ARHGAP39: variants seen among roughly 807,000 people sequenced by gnomAD.
The protein encoded by ARHGAP39 is Rho GTPase activating protein 39, also known as rho GTPase-activating protein 39.
Under a neutral mutation model 106.9 loss-of-function variants are expected in ARHGAP39, and 44 were observed. That is an observed-to-expected ratio of 0.41 (90% CI 0.32 to 0.53). The LOEUF (loss-of-function observed/expected upper bound fraction) is 0.53, where lower values mean the gene tolerates loss of function less well. ARHGAP39 is among the 20% of genes least tolerant of loss of function. ARHGAP39 has a pLI of 0.21. For missense variants in ARHGAP39, 1,496 were observed against 1,577.3 expected (o/e 0.95, Z 0.87); for synonymous variants, 768 against 693.2 (o/e 1.11, Z -1.69).
At chr8:144,620,448 C>G (rs1041541373) in intron 1 of ARHGAP39, among the ~76,000 whole-genome samples, 63 of 123,374 alleles carry the variant, frequency 5.1e-4, no homozygotes, top group Non-Finnish European at 6.6e-4. Context: ...TGTCTGTTAG[C>G]CTGTGTGTCC....
At chr8:144,549,394 C>G (rs2130848439) in intron 4 of ARHGAP39, among the ~76,000 whole-genome samples, 1 of 152,360 alleles carries the variant, frequency 6.6e-6, no homozygotes, top group East Asian at 1.9e-4. Flanking sequence ...ACATCCGCGG[C>G]CTGACGTCTT....
intron 3 of ARHGAP39, among the ~76,000 whole-genome samples, chr8:144,579,756 C>T (rs1322665735): frequency 3.1e-4 from 47 of 152,164 alleles, no homozygotes; most frequent in Non-Finnish European, 1.6e-4. Flanking sequence ...CAACACGCTC[C>T]TTCCCACCTC....
chr8:144,529,493 C>G lies in ARHGAP39; in HGVS notation c.*929G>C, dbSNP rs1047603116. 1.3e-5 allele frequency: 2 copies of G among 152,090 alleles called. No individual in the cohort carries two copies. Among genetic ancestry groups the G allele is most frequent in the African/African-American group, 4.8e-5 (2 of 41,382 alleles). 9.4% of individuals were successfully genotyped at this position (152,090 alleles called of 1,614,324 possible). A position where few individuals can be genotyped will look rare whatever the true frequency, so the allele number is the denominator to read the frequency against. ...GACAGTCCCGGGCCCGGCGCCTTCC[C>G]GCTCGCTCGTCTCCTGCAGGTCTGG... On this transcript the variant is annotated 3_prime_UTR_variant, in exon 12 of 12. Coordinates refer to ENST00000377307, the MANE Select transcript of ARHGAP39 (RefSeq NM_025251.3).
rs1374879925 is a variant in ARHGAP39 at position 144,547,819 on chromosome 8, C to T, written c.1267G>A (p.Gly423Ser). ...GGCTGCAAGGAGTACGAACCACCGCCGGGGTTGGGCGCGTACTTGTGCCGC... is the reference window on the plus strand; with the variant it reads ...GGCTGCAAGGAGTACGAACCACCGCTGGGGTTGGGCGCGTACTTGTGCCGC... ...GPRHKYAPNP[G>S]GGSYSLQPSP... Residue 423 changes from glycine to serine, a missense_variant, in exon 5 of 12, where the codon GGC (glycine) becomes AGC (serine). By Grantham distance (56) the Gly-to-Ser change is moderately conservative (BLOSUM62 0). Transcript: ENST00000377307. The surrounding 1 kb of genome is among the most constrained non-coding windows in gnomAD (Gnocchi z 5.2). 1.9e-6 allele frequency: 3 copies of T among 1,590,552 alleles called. No individual in the cohort carries two copies. Among genetic ancestry groups the T allele is most frequent in the Non-Finnish European group, 2.6e-6 (3 of 1,171,010 alleles).
At chr8:144,601,551 C>A (rs1181814515) in intron 2 of ARHGAP39, among the ~76,000 whole-genome samples, 16 of 112,222 alleles carry the variant, frequency 1.4e-4, no homozygotes, top group Non-Finnish European at 2.3e-4. Flanking sequence ...TGGAGGCGTG[C>A]GTGCGAGCTC....
intron 2 of ARHGAP39, among the ~76,000 whole-genome samples, chr8:144,598,258 T>C (rs1039574937): frequency 6.6e-6 from 1 of 152,202 alleles, no homozygotes; most frequent in Non-Finnish European, 1.5e-5. Flanking sequence ...GCCGTGGGCC[T>C]TTCCACGTTG....
chr8:144,648,197 T>G (rs1238353208), intron 1 of ARHGAP39, among the ~76,000 whole-genome samples: 1 of 152,174 alleles, frequency 6.6e-6, no homozygotes, highest in African/African-American at 2.4e-5. Flanking sequence ...CCAGCTGCTC[T>G]GATTTCCCCA....
chr8:144,650,646 G>C (rs1396230363), intron 1 of ARHGAP39, among the ~76,000 whole-genome samples: 1 of 152,080 alleles, frequency 6.6e-6, no homozygotes, highest in African/African-American at 2.4e-5. Flanking sequence ...TAGGACTAAA[G>C]ACAAAAACCA....
intron 3 of ARHGAP39, among the ~76,000 whole-genome samples, chr8:144,573,594 T>TTAAAGTAAAATAAAGTAAAATAAAG (rs1818662138): frequency 6.6e-6 from 1 of 152,106 alleles, no homozygotes; most frequent in African/African-American, 2.4e-5. Flanking sequence ...ACCCTAGAAC[T>TTAAAGTAAAATAAAGTAAAATAAAG]TAAAGTAAAA....
intron 1 of ARHGAP39, among the ~76,000 whole-genome samples, chr8:144,681,548 G>A (rs1217744852): frequency 1.3e-5 from 2 of 152,208 alleles, no homozygotes; most frequent in African/African-American, 4.8e-5. Flanking sequence ...CGTATTTCAT[G>A]GACTTTTTTT....
At chr8:144,581,310 C>T (rs1395346478) in intron 2 of ARHGAP39, 33 bp from the exon 3 acceptor site, 1 of 1,510,884 alleles carries the variant, frequency 6.6e-7, no homozygotes, top group Non-Finnish European at 8.9e-7. Flanking sequence ...CGGCTGGAGC[C>T]ACGGCGGCCT....
intron 1 of ARHGAP39, among the ~76,000 whole-genome samples, chr8:144,642,397 G>C: frequency 6.6e-6 from 1 of 152,078 alleles, no homozygotes; most frequent in East Asian, 1.9e-4. Flanking sequence ...TGAGGCAGGA[G>C]AATTGCTTGA....
rs576318409 is a variant in ARHGAP39 at position 144,656,314 on chromosome 8, G to A, written c.-82+29372C>T. ...TCAAAACCACCCTGCTCAACATAGC[G>A]AGACCCCATCTCTACAAAATTTAAA... On this transcript the variant is annotated intron_variant, in intron 1 of 11. Coordinates refer to ENST00000377307, the MANE Select transcript of ARHGAP39 (RefSeq NM_025251.3). Among the ~76,000 whole-genome samples the A allele has an allele frequency of 1.1e-4, 16 of 151,778 alleles. No individual in the cohort carries two copies. In the East Asian group the frequency reaches 1.2e-3, roughly 11 times the overall value.
In ARHGAP39 at chr8:144,581,046, G is replaced by A; in HGVS notation, c.312C>T (p.Ala104=). ...TGTTCTGCTTCAGCGTCTGCAGCTT[G>A]GCCAGCGGGATGATGTCGCAGCCCT... ...RPQGCDIIPL[A]KLQTLKQNTE... The change falls in exon 3 of 12, where the codon GCC becomes GCT. Residue 104 remains alanine (A), a synonymous_variant. Transcript: ENST00000377307. The A allele has an allele frequency of 6.3e-7, 1 of 1,583,922 alleles. No homozygotes were observed. Among genetic ancestry groups the A allele is most frequent in the South Asian group, 1.1e-5 (1 of 87,422 alleles).
rs990238762 is a variant in ARHGAP39, at chr8:144,604,151, C to T, written c.80+1384G>A. Among the ~76,000 whole-genome samples, 19 of 152,168 alleles carry T rather than the reference C, an allele frequency of 1.2e-4. No homozygotes were observed. Among genetic ancestry groups the T allele is most frequent in the African/African-American group, 4.3e-4 (18 of 41,416 alleles). ...ACCAACCACACAGGGAGGCACAAAGCATCAGACACGGAGCCGGGCCCAGAG... is the reference window on the plus strand; with the variant it reads ...ACCAACCACACAGGGAGGCACAAAGTATCAGACACGGAGCCGGGCCCAGAG... On this transcript the variant is annotated intron_variant, in intron 2 of 11. Coordinates refer to ENST00000377307, the MANE Select transcript of ARHGAP39 (RefSeq NM_025251.3). The surrounding 1 kb of genome is among the most constrained non-coding windows in gnomAD (Gnocchi z 4.1).
intron 1 of ARHGAP39, among the ~76,000 whole-genome samples, chr8:144,627,554 C>CAA (rs386414277): frequency 0.46 from 47,751 of 103,662 alleles, 11,976 homozygotes; most frequent in Middle Eastern, 0.51. Context: ...GACTCCATCT[C>CAA]AAAAAAAAAA....
rs1394025800 is a variant in ARHGAP39, at chr8:144,529,182, G to A, written c.*1240C>T. ...CCACAAGGAACGGGAGGACGCGCAG[G>A]GTCCATGTGCACTTTATTCACTCGT... is the stretch of plus-strand genomic sequence containing the variant. On this transcript the variant is annotated 3_prime_UTR_variant, in exon 12 of 12. Coordinates refer to ENST00000377307, the MANE Select transcript of ARHGAP39 (RefSeq NM_025251.3). 5.1e-6 allele frequency: 2 copies of A among 394,580 alleles called. No individual in the cohort carries two copies. The highest frequency in any genetic ancestry group is 6.6e-4 in the Middle Eastern group (1 of 1,504). 24.4% of individuals were successfully genotyped at this position (394,580 alleles called of 1,614,324 possible).
intron 9 of ARHGAP39, 126 bp from the exon 10 acceptor site, chr8:144,532,522 G>A (rs1291488202): frequency 1.3e-5 from 10 of 793,220 alleles, no homozygotes; most frequent in East Asian, 2.7e-5. Flanking sequence ...AGGACCCCCC[G>A]CCACCCCGGT....
At position 144,547,442 on chromosome 8, in the gene ARHGAP39, G is replaced by C. The variant is rs1341917763; in HGVS notation, c.1644C>G (p.Gly548=). ...CCTGCGCCAGGAAGGGCTCGGCCGC[G>C]CCCCGCGCCCCTTCGGCCTCACCTT... ...RAEGEAEGAR[G]AAEPFLAQAR... Residue 548 remains glycine (G), a synonymous_variant, in exon 5 of 12, where the codon GGC becomes GGG. Coordinates refer to ENST00000377307, the MANE Select transcript of ARHGAP39 (RefSeq NM_025251.3). This position sits in a 1 kb window ranked among gnomAD's most constrained non-coding sequence, Gnocchi z 5.2. 6.4e-7 allele frequency: 1 copy of C among 1,573,320 alleles called. No homozygotes were observed.
Sources: allele counts gnomAD v4.1 joint callset (sites outside exome capture counted in the v4.1 genomes callset), GRCh38; gene constraint gnomAD v4.1.1; non-coding constraint Gnocchi (gnomAD v3.1); transcripts MANE v1.5; gene names NCBI Gene and HGNC (gene_info 2026-07-23, HGNC 2026-07-21).